Variants in AKT3 observed in about 807,000 individuals in gnomAD.
AKT3 encodes the protein AKT serine/threonine kinase 3, also known as RAC-gamma serine/threonine-protein kinase.
In AKT3, 15 loss-of-function variants were observed where a neutral mutation model predicts 65.3. The observed-to-expected ratio is 0.23, with a 90% CI of 0.15 to 0.35. The LOEUF is 0.35. Among genes scored for constraint, AKT3 ranks in the 10% least tolerant of loss-of-function variants. AKT3 has a pLI of 1.00. For synonymous variants in AKT3, 206 were observed against 183.8 expected, an observed-to-expected ratio of 1.12 and a Z score of -0.98; for missense variants, 243 against 576.5, an observed-to-expected ratio of 0.42 and a Z score of 5.92.
At chr1:243,781,006 T>A (rs1369651509) in intron 2 of AKT3, among the ~76,000 whole-genome samples, 1 of 152,116 alleles carries the variant, frequency 6.6e-6, no homozygotes, top group Non-Finnish European at 1.5e-5. Flanking sequence ...AAGTAGGGCA[T>A]AATTCTTTTT....
chr1:243,767,838 T>C (rs762595273), intron 2 of AKT3, among the ~76,000 whole-genome samples: 64 of 152,194 alleles, frequency 4.2e-4, no homozygotes, highest in Non-Finnish European at 7.4e-4. Flanking sequence ...TAATGTCTTA[T>C]TGCCTACCAG....
rs1391185030 is a variant in AKT3, at chr1:243,643,898, C to T, written c.429+1995G>A. 2.0e-5 allele frequency among the ~76,000 whole-genome samples: 3 copies of T among 152,156 alleles called. No individual in the cohort carries two copies. In the East Asian group the frequency reaches 5.8e-4, roughly 29 times the overall value. On this transcript the variant is annotated intron_variant, in intron 5 of 13. Transcript: ENST00000673466. ...AATTCTTTGCATGATAATTGATATACATAAGGGTATAGTTCTAGAATCATT... is the reference window on the plus strand; with the variant it reads ...AATTCTTTGCATGATAATTGATATATATAAGGGTATAGTTCTAGAATCATT...
Position 243,755,235 on chromosome 1 carries a change from A to AT in AKT3, c.47-59520dup, listed in dbSNP as rs71983026. 1.7e-3 allele frequency among the ~76,000 whole-genome samples: 234 copies of AT among 136,752 alleles called. 1 individual carries two copies. Among genetic ancestry groups the AT allele is most frequent in the East Asian group, 4.9e-3 (23 of 4,740 alleles). The allele number at this position is 136,752 out of a possible 152,430, so 89.7% of individuals were successfully genotyped here. A position where few individuals can be genotyped will look rare whatever the true frequency, so the allele number is the denominator to read the frequency against. On this transcript the variant is annotated intron_variant, in intron 2 of 13. Coordinates refer to ENST00000673466, the MANE Select transcript of AKT3 (RefSeq NM_005465.7). Reference sequence around the variant, plus strand: ...AGGCGGGCGACACCACGCCTGGTTAATTTTTTTTTTTTTTTTTTTAGTAGA... The same window carrying AT: ...AGGCGGGCGACACCACGCCTGGTTAATTTTTTTTTTTTTTTTTTTTAGTAGA...
chr1:243,576,794 T>C (rs1220028247), intron 8 of AKT3, among the ~76,000 whole-genome samples: 1 of 152,076 alleles, frequency 6.6e-6, no homozygotes, highest in Admixed American at 6.5e-5. Context: ...AAAATGGCCA[T>C]ACTGGCCAAA....
chr1:243,685,317 C>T (rs533138682), intron 3 of AKT3, among the ~76,000 whole-genome samples: 2 of 152,246 alleles, frequency 1.3e-5, no homozygotes, highest in African/African-American at 2.4e-5. Flanking sequence ...TTTGGTCTCA[C>T]ATTTAAGTCT....
chr1:243,845,680 T>G (rs1458151415), intron 1 of AKT3, among the ~76,000 whole-genome samples: 1 of 151,756 alleles, frequency 6.6e-6, no homozygotes, highest in Non-Finnish European at 1.5e-5. Flanking sequence ...TTTTAAAATC[T>G]GTCTTGGGAG....
intron 2 of AKT3, chr1:243,794,208 G>C (rs1202204664): frequency 6.6e-6 from 1 of 152,060 alleles, no homozygotes; most frequent in African/African-American, 2.4e-5. Flanking sequence ...TAATTTTTCT[G>C]TATTTTTTGT....
chr1:243,641,090 G>A (rs1011853848), intron 5 of AKT3, among the ~76,000 whole-genome samples: 2 of 152,112 alleles, frequency 1.3e-5, no homozygotes, highest in Middle Eastern at 3.4e-3. Flanking sequence ...CCCAGCCTAC[G>A]TCTTTCTGCT....
In AKT3 at chr1:243,681,640, G is replaced by A. The variant is rs191542180; in HGVS notation, c.172+13951C>T. ...CACTGGGTGATACGTGGCATAGCAC[G>A]AAAGTTCTATGGGTGCTGACGACGT... is the stretch of plus-strand genomic sequence containing the variant. On this transcript the variant is annotated intron_variant, in intron 3 of 13. Coordinates refer to ENST00000673466, the MANE Select transcript of AKT3 (RefSeq NM_005465.7). Among the ~76,000 whole-genome samples, 1,066 of 152,252 alleles carry A rather than the reference G, an allele frequency of 7.0e-3. 13 individuals carry two copies. Among genetic ancestry groups the A allele is most frequent in the Non-Finnish European group, 7.6e-3 (514 of 68,010 alleles).
At chr1:243,598,332 T>G (rs1676770823) in intron 8 of AKT3, among the ~76,000 whole-genome samples, 1 of 152,220 alleles carries the variant, frequency 6.6e-6, no homozygotes, top group Non-Finnish European at 1.5e-5. Context: ...AATTATTTGC[T>G]GCTAAAATAG....
Position 243,500,019 on chromosome 1 carries a change from G to A in AKT3, c.*5230C>T. The A allele has an allele frequency of 1.7e-6, 1 of 582,032 alleles. No individual in the cohort carries two copies. The highest frequency in any genetic ancestry group is 3.1e-6 in the Non-Finnish European group (1 of 326,390). 36.1% of individuals were successfully genotyped at this position (582,032 alleles called of 1,614,324 possible). ...TGTATGTTTTCAGAAATGGCTTGAAGTTATGTGTTTAAATCTGCTCATTCG... is the reference window on the plus strand; with the variant it reads ...TGTATGTTTTCAGAAATGGCTTGAAATTATGTGTTTAAATCTGCTCATTCG... On this transcript the variant is annotated 3_prime_UTR_variant, in exon 14 of 14. Coordinates refer to ENST00000673466, the MANE Select transcript of AKT3 (RefSeq NM_005465.7).
chr1:243,737,340 G>A (rs1468920559), intron 2 of AKT3, among the ~76,000 whole-genome samples: 1 of 152,188 alleles, frequency 6.6e-6, no homozygotes, highest in Non-Finnish European at 1.5e-5. Flanking sequence ...TGCTTGGCGT[G>A]TAGTAACAGC....
chr1:243,695,285 A>G (rs1332648124), intron 3 of AKT3, among the ~76,000 whole-genome samples: 1 of 151,974 alleles, frequency 6.6e-6, no homozygotes, highest in Non-Finnish European at 1.5e-5. Context: ...TGCTAAATCT[A>G]ACAACCAAGT....
chr1:243,538,667 T>C (rs1238658994), intron 12 of AKT3, among the ~76,000 whole-genome samples: 1 of 151,982 alleles, frequency 6.6e-6, no homozygotes, highest in Non-Finnish European at 1.5e-5. Flanking sequence ...AAAACAAATA[T>C]TGCTGCCATC....
intron 8 of AKT3, among the ~76,000 whole-genome samples, chr1:243,599,717 C>G (rs934653822): frequency 6.6e-6 from 1 of 152,094 alleles, no homozygotes; most frequent in African/African-American, 2.4e-5. Context: ...AAATCTACAG[C>G]TAACAACATG....
At chr1:243,833,483 AC>A (rs1218451718) in intron 2 of AKT3, among the ~76,000 whole-genome samples, 1 of 150,518 alleles carries the variant, frequency 6.6e-6, no homozygotes, top group Non-Finnish European at 1.5e-5. Flanking sequence ...TAACACGAGA[AC>A]AGCATGGGGG....
chr1:243,578,711 A>C (rs1475242444), intron 8 of AKT3, among the ~76,000 whole-genome samples: 1 of 152,212 alleles, frequency 6.6e-6, no homozygotes, highest in Non-Finnish European at 1.5e-5. Flanking sequence ...TAATTAGCAT[A>C]ATGTTAAAAA....
intron 8 of AKT3, among the ~76,000 whole-genome samples, chr1:243,606,011 T>C (rs9428582): frequency 0.97 from 147,769 of 152,258 alleles, 71,719 homozygotes; most frequent in East Asian, 1. Flanking sequence ...CCTGCTCCTA[T>C]GTGAAGAAGG....
chr1:243,671,555 A>G (rs780007227), intron 3 of AKT3, among the ~76,000 whole-genome samples: 3 of 152,334 alleles, frequency 2.0e-5, no homozygotes, highest in South Asian at 4.1e-4. Flanking sequence ...GCAAAAAAGC[A>G]TAACACCTAT....
Sources: gnomAD v4.1 joint callset for allele counts (sites outside exome capture counted in the v4.1 genomes callset) on GRCh38, gnomAD v4.1.1 for gene constraint, MANE v1.5 for transcripts, NCBI Gene and HGNC (gene_info 2026-07-23, HGNC 2026-07-21) for gene names.